The following TAMM41 variants were observed in gnomAD, a reference collection of about 807,000 sequenced individuals.
TAMM41 encodes the protein TAM41 mitochondrial translocator assembly and maintenance homolog, also known as phosphatidate cytidylyltransferase, mitochondrial.
TAMM41 carries 36 observed loss-of-function variants against 44.1 expected under a neutral mutation model. The ratio of observed to expected loss-of-function variants is 0.82; its 90% CI spans 0.63 to 1.08. The LOEUF is 1.08. Ranked by LOEUF, TAMM41 falls within the 50% of genes least tolerant of loss-of-function variation. The pLI, the probability that TAMM41 is intolerant of heterozygous loss-of-function variation, is 0.00. For synonymous variants in TAMM41, 164 were observed against 153.1 expected, an observed-to-expected ratio of 1.07 and a Z score of -0.53; for missense variants, 417 against 404.3, an observed-to-expected ratio of 1.03 and a Z score of -0.27.
chr3:11,747,207 C>T, the TAMM41 span, among the ~76,000 whole-genome samples: 4 of 151,994 alleles, frequency 2.6e-5, no homozygotes, highest in Non-Finnish European at 4.4e-5. Flanking sequence ...GGACTACAGG[C>T]GCACGCCACC....
the TAMM41 span, among the ~76,000 whole-genome samples, chr3:11,776,276 C>T: frequency 2.0e-5 from 3 of 152,042 alleles, no homozygotes; most frequent in Non-Finnish European, 4.4e-5. Flanking sequence ...CCTCGGCCTC[C>T]CAAAGTGTTG....
the TAMM41 span, among the ~76,000 whole-genome samples, chr3:11,751,994 A>C: frequency 6.6e-6 from 1 of 152,178 alleles, no homozygotes; most frequent in Non-Finnish European, 1.5e-5. Context: ...TCCACTGTGC[A>C]GGTATTTACT....
chr3:11,747,671 T>A, the TAMM41 span, among the ~76,000 whole-genome samples: 1 of 151,456 alleles, frequency 6.6e-6, no homozygotes, highest in East Asian at 2.0e-4. Context: ...CAGGAGGCTG[T>A]GGGAGGACTG....
At chr3:11,766,229 A>G in the TAMM41 span, among the ~76,000 whole-genome samples, 1 of 151,998 alleles carries the variant, frequency 6.6e-6, no homozygotes, top group Non-Finnish European at 1.5e-5. Context: ...CGGAGTGAGG[A>G]CCACGGCTCA....
chr3:11,840,500 G>C (rs1163662256), intron 2 of TAMM41, among the ~76,000 whole-genome samples: 2 of 152,084 alleles, frequency 1.3e-5, no homozygotes, highest in African/African-American at 4.8e-5. Flanking sequence ...CTCCAAAAGT[G>C]TTGGGATTAC....
At chr3:11,789,384 G>A (rs1399634719), downstream of TAMM41, among the ~76,000 whole-genome samples, 3 of 152,208 alleles carry the variant, frequency 2.0e-5, no homozygotes, top group African/African-American at 7.2e-5. Flanking sequence ...AGAGTGTGAG[G>A]TGGGACAAAG....
chr3:11,796,627 C>A (rs577607837), intron 7 of TAMM41, among the ~76,000 whole-genome samples: 11 of 152,216 alleles, frequency 7.2e-5, no homozygotes, highest in Admixed American at 6.5e-4. Context: ...GTTTTCTCAT[C>A]CTACAGATGA....
the TAMM41 span, among the ~76,000 whole-genome samples, chr3:11,724,091 TTTTA>T: frequency 4.0e-5 from 6 of 151,566 alleles, no homozygotes; most frequent in African/African-American, 7.2e-5. Flanking sequence ...ATTTTTATAT[TTTTA>T]TTTATTTATT....
At chr3:11,801,419 G>C (rs1199430959) in intron 7 of TAMM41, among the ~76,000 whole-genome samples, 1 of 152,024 alleles carries the variant, frequency 6.6e-6, no homozygotes, top group Non-Finnish European at 1.5e-5. Context: ...AAACTCCTTT[G>C]GCTCAAGTGA....
In TAMM41 at chr3:11,790,473, T is replaced by C; in HGVS notation, c.*32A>G. 1 of 1,565,746 alleles carries C rather than the reference T, an allele frequency of 6.4e-7. No individual in the cohort carries two copies. Among genetic ancestry groups the C allele is most frequent in the Non-Finnish European group, 8.8e-7 (1 of 1,137,388 alleles). On this transcript the variant is annotated 3_prime_UTR_variant, in exon 8 of 8. Coordinates refer to ENST00000455809, the MANE Select transcript of TAMM41 (RefSeq NM_001284401.2). ...CAAAAAGGATCAAACACTTTATTCA[T>C]CTACACATAACATATATAAAAGCAA... is the stretch of plus-strand genomic sequence containing the variant.
At position 11,807,725 on chromosome 3, in the gene TAMM41, T is replaced by C. The variant is rs2077959737; in HGVS notation, c.937+108A>G. 3 of 1,536,112 alleles carry C rather than the reference T, an allele frequency of 2.0e-6. No homozygotes were observed. In the East Asian group the frequency reaches 7.3e-5, roughly 38 times the overall value. On this transcript the variant is annotated intron_variant, in intron 7 of 7. Coordinates refer to ENST00000455809, the MANE Select transcript of TAMM41 (RefSeq NM_001284401.2). ...TATCCCAGTTTATGGCCATCAAAGC[T>C]CAGCATTTCACAAGCACCTAAAAGA...
chr3:11,806,937 C>G lies in TAMM41; in HGVS notation c.937+896G>C, dbSNP rs182885816. On this transcript the variant is annotated intron_variant, in intron 7 of 7. Transcript: ENST00000455809. ...AGTAAAAGATAAATGCAGCAATGAT[C>G]TCAAAATTTTAAAGGAAAGTGATTT... Among the ~76,000 whole-genome samples, 9 of 152,158 alleles carry G rather than the reference C, an allele frequency of 5.9e-5. No homozygotes were observed. In the East Asian group the frequency reaches 1.8e-3, roughly 30 times the overall value.
At chr3:11,807,969 T>C in intron 6 of TAMM41, 74 bp from the exon 7 acceptor site, 7 of 1,455,186 alleles carry the variant, frequency 4.8e-6, no homozygotes, top group African/African-American at 1.4e-5. Flanking sequence ...GTTTTAAAAC[T>C]TGAAACTAAA....
chr3:11,751,809 C>G, the TAMM41 span, among the ~76,000 whole-genome samples: 1 of 152,208 alleles, frequency 6.6e-6, no homozygotes, highest in African/African-American at 2.4e-5. Context: ...TGTCTTCTGA[C>G]TACGTTAATG....
the TAMM41 span, among the ~76,000 whole-genome samples, chr3:11,770,940 A>G: frequency 6.6e-6 from 1 of 152,094 alleles, no homozygotes; most frequent in African/African-American, 2.4e-5. Flanking sequence ...AAGTGGGTAC[A>G]TGTACCCCCT....
chr3:11,816,454 G>A (rs891295088), intron 5 of TAMM41, among the ~76,000 whole-genome samples: 2 of 152,102 alleles, frequency 1.3e-5, no homozygotes, highest in East Asian at 3.8e-4. Context: ...AAAAGTACAC[G>A]TGAAAAGATC....
At chr3:11,733,497 A>ATT in the TAMM41 span, among the ~76,000 whole-genome samples, 2 of 140,872 alleles carry the variant, frequency 1.4e-5, no homozygotes, top group African/African-American at 5.2e-5. Flanking sequence ...GTGTCCTGAG[A>ATT]TTTTTTTTTT....
the TAMM41 span, among the ~76,000 whole-genome samples, chr3:11,732,555 G>GA: frequency 2.0e-5 from 3 of 152,146 alleles, no homozygotes; most frequent in African/African-American, 7.2e-5. Flanking sequence ...TCGAAATAGT[G>GA]AAAAAAGACC....
chr3:11,815,909 C>T (rs765255529), intron 5 of TAMM41, among the ~76,000 whole-genome samples: 13 of 152,156 alleles, frequency 8.5e-5, no homozygotes, highest in Non-Finnish European at 1.5e-4. Flanking sequence ...GTATGCAGCA[C>T]GGAACTGCTC....
Sources: allele counts gnomAD v4.1 joint callset (sites outside exome capture counted in the v4.1 genomes callset), GRCh38; gene constraint gnomAD v4.1.1; transcripts MANE v1.5; gene names NCBI Gene and HGNC (gene_info 2026-07-23, HGNC 2026-07-21).